Variants in PTPN1 observed in about 807,000 individuals in gnomAD.
PTPN1 encodes protein tyrosine phosphatase non-receptor type 1.
In PTPN1, 12 loss-of-function variants were observed where a neutral mutation model predicts 59.9. That is an observed-to-expected ratio of 0.20 (90% CI 0.13 to 0.32). The LOEUF is 0.32. Ranked by LOEUF, PTPN1 falls within the 10% of genes least tolerant of loss-of-function variation. The pLI, the probability that PTPN1 is intolerant of heterozygous loss-of-function variation, is 1.00. For missense variants in PTPN1, 356 were observed against 549.2 expected (o/e 0.65, Z 3.52); for synonymous variants, 178 against 203.6 (o/e 0.87, Z 1.07).
chr20:50,579,636 A>G, intron 7 of PTPN1, 67 bp from the exon 8 acceptor site: 1 of 1,428,284 alleles, frequency 7.0e-7, no homozygotes, highest in Non-Finnish European at 9.8e-7. Context: ...CTGCTCATGC[A>G]AAGGGATTTC....
At chr20:50,531,818 G>A (rs768072299) in intron 1 of PTPN1, among the ~76,000 whole-genome samples, 9 of 152,142 alleles carry the variant, frequency 5.9e-5, no homozygotes, top group African/African-American at 9.7e-5. Context: ...CATACTCTTC[G>A]TCCTGCTTCT....
chr20:50,520,427 A>G (rs2082546189), intron 1 of PTPN1, among the ~76,000 whole-genome samples: 1 of 152,014 alleles, frequency 6.6e-6, no homozygotes, highest in Non-Finnish European at 1.5e-5. Context: ...CTACTTTTCC[A>G]GCAAGTAAAT....
chr20:50,554,609 T>C (rs1042055142), intron 1 of PTPN1, among the ~76,000 whole-genome samples: 2 of 151,834 alleles, frequency 1.3e-5, no homozygotes, highest in African/African-American at 4.9e-5. Flanking sequence ...ATTTTAAAAT[T>C]TATTTAAAGC....
At chr20:50,534,433 TTA>T (rs1341284882) in intron 1 of PTPN1, among the ~76,000 whole-genome samples, 3 of 152,286 alleles carry the variant, frequency 2.0e-5, no homozygotes, top group East Asian at 3.9e-4. Context: ...CCATAAGATT[TTA>T]TATGTTTTCT....
rs965005675 is a variant in PTPN1, at chr20:50,578,189, G to A, written c.493-231G>A. ...AAGAGGTGAGGGGACTCTTCAATCC[G>A]AAGGGAAATGAAGTCTAAGCAGGCG... On this transcript the variant is annotated intron_variant, in intron 5 of 9. Coordinates refer to ENST00000371621, the MANE Select transcript of PTPN1 (RefSeq NM_002827.4). 9.5e-6 allele frequency: 5 copies of A among 528,492 alleles called. No homozygotes were observed. In the Admixed American group the frequency reaches 9.7e-5, roughly 10 times the overall value. 32.7% of individuals were successfully genotyped at this position (528,492 alleles called of 1,614,324 possible). A position where few individuals can be genotyped will look rare whatever the true frequency, so the allele number is the denominator to read the frequency against.
rs2082751015 is a variant in PTPN1, at chr20:50,561,231, A to G, written c.64-132A>G. On this transcript the variant is annotated intron_variant, in intron 1 of 9. Coordinates refer to ENST00000371621, the MANE Select transcript of PTPN1 (RefSeq NM_002827.4). ...GCTCATTCCTCCTCGGTTTTCCCCCATGGCCTGGTACATACCTCTGAATTA... is the reference window on the plus strand; with the variant it reads ...GCTCATTCCTCCTCGGTTTTCCCCCGTGGCCTGGTACATACCTCTGAATTA... 4 of 667,368 alleles carry G rather than the reference A, an allele frequency of 6.0e-6. No individual in the cohort carries two copies. The East Asian group carries it at 8.6e-5, about 14-fold the overall frequency. 41.3% of individuals were successfully genotyped at this position (667,368 alleles called of 1,614,324 possible). A position where few individuals can be genotyped will look rare whatever the true frequency, so the allele number is the denominator to read the frequency against.
chr20:50,529,870 TTA>T (rs2082593107), intron 1 of PTPN1, among the ~76,000 whole-genome samples: 1 of 152,276 alleles, frequency 6.6e-6, no homozygotes, highest in East Asian at 1.9e-4. Flanking sequence ...TGATTTATTA[TTA>T]TTATCATTAT....
chr20:50,579,455 A>G, intron 7 of PTPN1, 126 bp downstream of exon 7: 1 of 1,195,328 alleles, frequency 8.4e-7, no homozygotes, highest in East Asian at 2.3e-5. Flanking sequence ...CTTCATGTTT[A>G]AAATAGCTAG....
In PTPN1 at chr20:50,568,571, C is replaced by A. The variant is rs2082790548; in HGVS notation, c.354+93C>A. 1 of 1,039,842 alleles carries A rather than the reference C, an allele frequency of 9.6e-7. No homozygotes were observed. Among genetic ancestry groups the A allele is most frequent in the Non-Finnish European group, 1.5e-6 (1 of 680,346 alleles). 64.4% of individuals were successfully genotyped at this position (1,039,842 alleles called of 1,614,324 possible). On this transcript the variant is annotated intron_variant, in intron 4 of 9. Transcript: ENST00000371621. This position sits in a 1 kb window ranked among gnomAD's most constrained non-coding sequence, Gnocchi z 5.6. ...CCAGATTTTTAAATTATTTTTCTTGCCTTTGTATTTCCTTTACGTAGTATT... is the reference window on the plus strand; with the variant it reads ...CCAGATTTTTAAATTATTTTTCTTGACTTTGTATTTCCTTTACGTAGTATT...
chr20:50,580,623 G>A (rs1032071563), intron 8 of PTPN1, among the ~76,000 whole-genome samples: 10 of 152,148 alleles, frequency 6.6e-5, no homozygotes, highest in Non-Finnish European at 1.0e-4. Flanking sequence ...GATGACTGCC[G>A]GCTGTGCCCT....
At chr20:50,558,579 C>T (rs549328306) in intron 1 of PTPN1, among the ~76,000 whole-genome samples, 1 of 152,256 alleles carries the variant, frequency 6.6e-6, no homozygotes, top group Non-Finnish European at 1.5e-5. Context: ...TTGAAATTTC[C>T]ATTCTCCATG....
At chr20:50,552,305 T>C (rs1175824823) in intron 1 of PTPN1, among the ~76,000 whole-genome samples, 1 of 152,330 alleles carries the variant, frequency 6.6e-6, no homozygotes, top group East Asian at 1.9e-4. Context: ...GTTTTCCATA[T>C]ACCATTCTAA....
At chr20:50,569,458 G>A (rs2082795739) in intron 4 of PTPN1, among the ~76,000 whole-genome samples, 1 of 152,178 alleles carries the variant, frequency 6.6e-6, no homozygotes, top group South Asian at 2.1e-4. Flanking sequence ...TCACTCTGTT[G>A]GAATAGCTGA....
At chr20:50,546,297 G>T (rs1273157710) in intron 1 of PTPN1, among the ~76,000 whole-genome samples, 1 of 152,204 alleles carries the variant, frequency 6.6e-6, no homozygotes, top group East Asian at 1.9e-4. Context: ...AGGGATTAAT[G>T]CATTGAATCT....
intron 3 of PTPN1, among the ~76,000 whole-genome samples, chr20:50,566,202 G>A (rs1392501272): frequency 2.0e-5 from 3 of 152,194 alleles, no homozygotes; most frequent in Non-Finnish European, 2.9e-5. Context: ...GATAAGGCGG[G>A]AGATGTCTGG....
At chr20:50,560,680 G>T (rs1472201508) in intron 1 of PTPN1, among the ~76,000 whole-genome samples, 3 of 151,074 alleles carry the variant, frequency 2.0e-5, no homozygotes, top group Non-Finnish European at 4.4e-5. Context: ...GCCATTTTTA[G>T]GTACACAGTT....
At chr20:50,574,470 A>G (rs201436540) in intron 4 of PTPN1, 47 bp from the exon 5 acceptor site, 1 of 1,525,946 alleles carries the variant, frequency 6.6e-7, no homozygotes, top group East Asian at 2.4e-5. Context: ...TGCCATAGAA[A>G]AACTGCCATA....
At chr20:50,519,781 G>A (rs563660476) in intron 1 of PTPN1, among the ~76,000 whole-genome samples, 5 of 152,200 alleles carry the variant, frequency 3.3e-5, no homozygotes, top group Non-Finnish European at 2.9e-5. Flanking sequence ...AAGGTATAGC[G>A]AAGTTAAAGG....
chr20:50,557,685 G>A (rs1426284076), intron 1 of PTPN1: 1 of 152,188 alleles, frequency 6.6e-6, no homozygotes, highest in Non-Finnish European at 1.5e-5. Flanking sequence ...TTTTTAAAGA[G>A]ATGGGGTCTT....
Sources: allele counts gnomAD v4.1 joint callset (sites outside exome capture counted in the v4.1 genomes callset), GRCh38; gene constraint gnomAD v4.1.1; non-coding constraint Gnocchi (gnomAD v3.1); transcripts MANE v1.5; gene names NCBI Gene and HGNC (gene_info 2026-07-23, HGNC 2026-07-21).